SNX10: variants seen among roughly 807,000 people sequenced by gnomAD.
SNX10 encodes the protein sorting nexin-10.
Under a neutral mutation model 28.5 loss-of-function variants are expected in SNX10, and 25 were observed. That is an observed-to-expected ratio of 0.88 (90% CI 0.64 to 1.22). The LOEUF is 1.22. Among genes scored for constraint, SNX10 ranks in the 50% most tolerant of loss-of-function variants. The pLI is 0.00. For synonymous variants in SNX10, 62 were observed against 81.4 expected, an observed-to-expected ratio of 0.76 and a Z score of 1.28; for missense variants, 223 against 242.6, an observed-to-expected ratio of 0.92 and a Z score of 0.54.
At chr7:26,353,459 T>TTTTTTTTG (rs1554359898) in intron 2 of SNX10, among the ~76,000 whole-genome samples, 1 of 58,410 alleles carries the variant, frequency 1.7e-5, no homozygotes, top group African/African-American at 4.5e-5. Flanking sequence ...TTTTTTTTTT[T>TTTTTTTTG]TGGTGGGGAG....
chr7:26,372,474 C>T lies in SNX10; in HGVS notation c.525-17C>T, dbSNP rs753286684. On this transcript the variant is annotated splice_polypyrimidine_tract_variant and intron_variant, in intron 6 of 6. Coordinates refer to ENST00000338523, the MANE Select transcript of SNX10 (RefSeq NM_013322.3). Reference sequence around the variant, plus strand: ...AATTTCCTCTTTTTATTATTTTCCCCCTCTCTTCTTTTCCAGTTCATCCTC... The same window carrying T: ...AATTTCCTCTTTTTATTATTTTCCCTCTCTCTTCTTTTCCAGTTCATCCTC... The T allele has an allele frequency of 1.3e-6, 2 of 1,531,936 alleles. No homozygotes were observed. Among genetic ancestry groups the T allele is most frequent in the African/African-American group, 1.4e-5 (1 of 73,346 alleles). 94.9% of individuals were successfully genotyped at this position (1,531,936 alleles called of 1,614,324 possible). A position where few individuals can be genotyped will look rare whatever the true frequency, so the allele number is the denominator to read the frequency against.
intron 1 of SNX10, among the ~76,000 whole-genome samples, chr7:26,311,407 T>C (rs1253962636): frequency 6.6e-6 from 1 of 152,194 alleles, no homozygotes; most frequent in Non-Finnish European, 1.5e-5. Context: ...CGCCTCGGCC[T>C]CCAAAAGTGC....
intron 2 of SNX10, among the ~76,000 whole-genome samples, chr7:26,355,090 C>T (rs556602718): frequency 6.6e-6 from 1 of 152,260 alleles, no homozygotes; most frequent in South Asian, 2.1e-4. Context: ...TGTTGAGAGG[C>T]TTTTCCTTCT....
intron 1 of SNX10, among the ~76,000 whole-genome samples, chr7:26,323,899 G>C (rs1787400314): frequency 1.3e-5 from 2 of 152,324 alleles, no homozygotes; most frequent in South Asian, 2.1e-4. Flanking sequence ...AAGCAAATCA[G>C]TGCTCCGTAA....
chr7:26,346,559 T>C, intron 2 of SNX10, 93 bp downstream of exon 2: 1 of 967,274 alleles, frequency 1.0e-6, no homozygotes, highest in Non-Finnish European at 1.7e-6. Flanking sequence ...CATGGGTTGC[T>C]TGAGGAGGTT....
chr7:26,302,268 A>G (rs1452771793), intron 1 of SNX10, among the ~76,000 whole-genome samples: 1 of 152,142 alleles, frequency 6.6e-6, no homozygotes, highest in Non-Finnish European at 1.5e-5. Context: ...GAGAAACAGA[A>G]AGACCCATCT....
At chr7:26,336,786 T>C (rs2128007191) in intron 1 of SNX10, among the ~76,000 whole-genome samples, 1 of 152,352 alleles carries the variant, frequency 6.6e-6, no homozygotes, top group African/African-American at 2.4e-5. Context: ...ATAATGGCTA[T>C]GAGGTAGTCT....
chr7:26,313,233 G>A (rs992648816), intron 1 of SNX10, among the ~76,000 whole-genome samples: 1 of 152,168 alleles, frequency 6.6e-6, no homozygotes, highest in African/African-American at 2.4e-5. Flanking sequence ...ACATTTTATT[G>A]TGATTAGAAT....
intron 1 of SNX10, among the ~76,000 whole-genome samples, chr7:26,316,181 C>CAA (rs397970319): frequency 3.3e-4 from 24 of 72,162 alleles, no homozygotes; most frequent in Admixed American, 4.8e-4. Flanking sequence ...GAGACTGTCT[C>CAA]AAAAAAAAAA....
At chr7:26,317,826 C>T (rs1165115579) in intron 1 of SNX10, among the ~76,000 whole-genome samples, 2 of 152,080 alleles carry the variant, frequency 1.3e-5, no homozygotes, top group Admixed American at 1.3e-4. Context: ...CCACGCCCAG[C>T]TAATTTTTTT....
chr7:26,362,155 T>C (rs890679328), intron 3 of SNX10, among the ~76,000 whole-genome samples: 5 of 152,252 alleles, frequency 3.3e-5, no homozygotes, highest in African/African-American at 1.2e-4. Context: ...ACTGCTTTTT[T>C]GATTGTGTTG....
At chr7:26,327,261 A>G (rs1276427913) in intron 1 of SNX10, among the ~76,000 whole-genome samples, 2 of 152,028 alleles carry the variant, frequency 1.3e-5, no homozygotes, top group Non-Finnish European at 2.9e-5. Flanking sequence ...CTTGTTAATT[A>G]TCTTTTGAAG....
At chr7:26,312,577 C>G (rs188750216) in intron 1 of SNX10, among the ~76,000 whole-genome samples, 1 of 152,002 alleles carries the variant, frequency 6.6e-6, no homozygotes, top group South Asian at 2.1e-4. Context: ...CAAGGTCAGG[C>G]GTTCGAGACC....
In SNX10 at chr7:26,364,670, C is replaced by A; in HGVS notation, c.212+35C>A. ...TTAGAGTATACTGTGGAGACTTTGT[C>A]ATTATATTCAGTATTTAAAATTGAC... On this transcript the variant is annotated intron_variant, in intron 4 of 6. Transcript: ENST00000338523. The surrounding 1 kb of genome is among the most constrained non-coding windows in gnomAD (Gnocchi z 4.9). 4 of 1,423,966 alleles carry A rather than the reference C, an allele frequency of 2.8e-6. No homozygotes were observed. Among genetic ancestry groups the A allele is most frequent in the South Asian group, 1.2e-5 (1 of 83,606 alleles). The allele number at this position is 1,423,966 out of a possible 1,614,324, so 88.2% of individuals were successfully genotyped here.
intron 1 of SNX10, among the ~76,000 whole-genome samples, chr7:26,302,976 C>G (rs1335542766): frequency 1.3e-5 from 2 of 150,368 alleles, no homozygotes; most frequent in African/African-American, 5.0e-5. Flanking sequence ...AACAAAAAAC[C>G]TGTTTCTGAT....
intron 1 of SNX10, among the ~76,000 whole-genome samples, chr7:26,293,496 G>T: frequency 6.6e-6 from 1 of 152,210 alleles, no homozygotes; most frequent in East Asian, 1.9e-4. Context: ...GTGAGCCACT[G>T]CGCTCGGCCT....
chr7:26,292,685 G>A lies in SNX10; in HGVS notation c.-24+599G>A, dbSNP rs368113818. Among the ~76,000 whole-genome samples the A allele has an allele frequency of 2.6e-5, 4 of 152,252 alleles. No individual in the cohort carries two copies. In the South Asian group the frequency reaches 8.3e-4, roughly 32 times the overall value. On this transcript the variant is annotated intron_variant, in intron 1 of 6. Coordinates refer to ENST00000338523, the MANE Select transcript of SNX10 (RefSeq NM_013322.3). ...ATTACACGGATTATTGAGGGGGATC[G>A]TCACGGAATGGGGAGCAACATGTCC...
At chr7:26,366,882 T>C (rs1034002582) in intron 5 of SNX10, among the ~76,000 whole-genome samples, 1 of 152,168 alleles carries the variant, frequency 6.6e-6, no homozygotes, top group Non-Finnish European at 1.5e-5. Flanking sequence ...TCAGCCATAG[T>C]GGGGTTATGC....
intron 1 of SNX10, among the ~76,000 whole-genome samples, chr7:26,333,983 T>TA (rs2128005859): frequency 6.6e-6 from 1 of 152,288 alleles, no homozygotes; most frequent in Admixed American, 6.5e-5. Flanking sequence ...ATTGGACTAA[T>TA]TAACACTAAT....
Sources: gnomAD v4.1 joint callset for allele counts (sites outside exome capture counted in the v4.1 genomes callset) on GRCh38, gnomAD v4.1.1 for gene constraint, Gnocchi (gnomAD v3.1) non-coding constraint, MANE v1.5 for transcripts, NCBI Gene and HGNC (gene_info 2026-07-23, HGNC 2026-07-21) for gene names.